PRKD1: variants seen among roughly 807,000 people sequenced by gnomAD.
The protein encoded by PRKD1 is protein kinase D1.
In PRKD1, 63 loss-of-function variants were observed where a neutral mutation model predicts 95.9. That is an observed-to-expected ratio of 0.66 (90% CI 0.54 to 0.81). The LOEUF is 0.81. Ranked by LOEUF, PRKD1 falls within the 30% of genes least tolerant of loss-of-function variation. PRKD1 has a pLI of 0.00. For missense variants in PRKD1, 1,048 were observed against 1,165.3 expected (o/e 0.90, Z 1.47); for synonymous variants, 425 against 423.1 (o/e 1.00, Z -0.05).
chr14:29,851,829 G>A (rs190253007), intron 1 of PRKD1, among the ~76,000 whole-genome samples: 4 of 152,098 alleles, frequency 2.6e-5, no homozygotes, highest in East Asian at 1.9e-4. Context: ...TGGAATCAAC[G>A]TAGGCACCCT....
chr14:29,644,095 T>C lies in PRKD1; in HGVS notation c.697-5191A>G, dbSNP rs1267379866. Among the ~76,000 whole-genome samples the C allele has an allele frequency of 4.6e-5, 7 of 152,166 alleles. 1 individual carries two copies. The highest frequency in any genetic ancestry group is 1.7e-4 in the African/African-American group (7 of 41,434). On this transcript the variant is annotated intron_variant, in intron 4 of 17. Coordinates refer to ENST00000331968, the MANE Select transcript of PRKD1 (RefSeq NM_002742.3). The stretch of plus-strand genomic sequence containing the variant: ...TAAGTGTATGTTTTCAAGAAGTAAA[T>C]GCATAGGATTAGTGGATGAGACGTT...
In PRKD1 at chr14:29,725,563, C is replaced by T; in HGVS notation, c.376G>A (p.Gly126Ser). ...LVKAASDIQE[G>S]DLIEVVLSAS... ...GACAAGACCACTTCAATAAGATCGC[C>T]TTCCTGGATATCACTGGCCGCTTTC... Residue 126 changes from glycine to serine, a missense_variant, in exon 2 of 18, where the codon GGC becomes AGC. By Grantham distance (56) the Gly-to-Ser change is moderately conservative. Transcript: ENST00000331968. The T allele has an allele frequency of 1.9e-6, 3 of 1,613,724 alleles. No homozygotes were observed. Among genetic ancestry groups the T allele is most frequent in the Non-Finnish European group, 2.5e-6 (3 of 1,179,726 alleles).
chr14:29,671,438 C>G (rs905524836), intron 2 of PRKD1, among the ~76,000 whole-genome samples: 1 of 152,300 alleles, frequency 6.6e-6, no homozygotes, highest in Middle Eastern at 3.4e-3. Flanking sequence ...TAAAAGAGAA[C>G]AGAAGGCTTT....
chr14:29,636,593 C>T (rs1354114273), intron 6 of PRKD1, 99 bp from the exon 7 acceptor site: 1 of 1,191,476 alleles, frequency 8.4e-7, no homozygotes, highest in Non-Finnish European at 1.2e-6. Flanking sequence ...TTGGAAGCCC[C>T]AAAGAGGTAG....
chr14:29,825,555 C>T (rs1262374089), intron 1 of PRKD1, among the ~76,000 whole-genome samples: 1 of 151,984 alleles, frequency 6.6e-6, no homozygotes, highest in Non-Finnish European at 1.5e-5. Flanking sequence ...AGATGATTTA[C>T]AAGTTTATAC....
intron 2 of PRKD1, among the ~76,000 whole-genome samples, chr14:29,704,426 A>C (rs893025300): frequency 4.6e-5 from 7 of 152,164 alleles, no homozygotes; most frequent in African/African-American, 9.7e-5. Flanking sequence ...CCAAAGTAAA[A>C]CACTAATTTA....
intron 1 of PRKD1, among the ~76,000 whole-genome samples, chr14:29,805,376 C>G (rs1594534589): frequency 6.6e-6 from 1 of 152,288 alleles, no homozygotes; most frequent in East Asian, 1.9e-4. Context: ...AAAGGCAACA[C>G]TTAACTTACT....
intron 13 of PRKD1, among the ~76,000 whole-genome samples, chr14:29,622,070 T>C (rs558042340): frequency 6.6e-6 from 1 of 152,298 alleles, no homozygotes; most frequent in Admixed American, 6.5e-5. Context: ...AGACAGTTTT[T>C]CCATGGGAGC....
chr14:29,742,347 G>A (rs1034136567), intron 1 of PRKD1, among the ~76,000 whole-genome samples: 4 of 152,220 alleles, frequency 2.6e-5, no homozygotes, highest in East Asian at 1.9e-4. Context: ...CTGAACTGAC[G>A]GCCAATAGCA....
chr14:29,735,112 T>C (rs1318013961), intron 1 of PRKD1, among the ~76,000 whole-genome samples: 3 of 152,216 alleles, frequency 2.0e-5, no homozygotes, highest in Non-Finnish European at 4.4e-5. Context: ...TTACTCCTCA[T>C]GCACTTTTAA....
chr14:29,705,114 C>T (rs531157523), intron 2 of PRKD1, among the ~76,000 whole-genome samples: 2 of 152,038 alleles, frequency 1.3e-5, no homozygotes, highest in Non-Finnish European at 2.9e-5. Flanking sequence ...TTACTCACGT[C>T]GATATGTTAT....
chr14:29,845,963 A>G (rs1025821562), intron 1 of PRKD1, among the ~76,000 whole-genome samples: 6 of 152,194 alleles, frequency 3.9e-5, no homozygotes, highest in Non-Finnish European at 7.3e-5. Flanking sequence ...TTATCTTACC[A>G]TATTAAATAC....
At chr14:29,704,691 T>C (rs1884994066) in intron 2 of PRKD1, among the ~76,000 whole-genome samples, 1 of 152,114 alleles carries the variant, frequency 6.6e-6, no homozygotes, top group Non-Finnish European at 1.5e-5. Flanking sequence ...GTTTTCTTTG[T>C]TTTGTTTTGT....
intron 1 of PRKD1, among the ~76,000 whole-genome samples, chr14:29,865,515 A>C (rs1892864105): frequency 6.6e-6 from 1 of 152,144 alleles, no homozygotes. Flanking sequence ...TTATCACAAG[A>C]GTGGCTTGTT....
chr14:29,671,009 G>A (rs576493074), intron 2 of PRKD1, among the ~76,000 whole-genome samples: 16 of 152,230 alleles, frequency 1.1e-4, no homozygotes, highest in Non-Finnish European at 2.1e-4. Context: ...AATTGTTAGT[G>A]AGGTGCAATG....
chr14:29,634,857 C>T lies in PRKD1; in HGVS notation c.1191-316G>A, dbSNP rs562917733. Among the ~76,000 whole-genome samples the T allele has an allele frequency of 2.6e-5, 4 of 152,058 alleles. 1 individual carries two copies. In the South Asian group the frequency reaches 8.3e-4, roughly 32 times the overall value. On this transcript the variant is annotated intron_variant, in intron 7 of 17. Coordinates refer to ENST00000331968, the MANE Select transcript of PRKD1 (RefSeq NM_002742.3). ...GACCAGCCTGGCCAAGATGGTGAAA[C>T]CCCGTCTCTACTAAAAGTACAAAAA...
chr14:29,592,566 T>C (rs1893169589), intron 16 of PRKD1: 2 of 149,292 alleles, frequency 1.3e-5, no homozygotes, highest in Non-Finnish European at 3.0e-5. Context: ...AAAAACTAAA[T>C]ACATACATAC....
At chr14:29,582,271 ACT>A (rs1193636265) in intron 16 of PRKD1, among the ~76,000 whole-genome samples, 2 of 152,204 alleles carry the variant, frequency 1.3e-5, no homozygotes, top group Non-Finnish European at 2.9e-5. Context: ...AAGGATAAAT[ACT>A]GAGCTTCTTG....
chr14:29,802,082 A>T (rs1486896550), intron 1 of PRKD1, among the ~76,000 whole-genome samples: 3 of 152,206 alleles, frequency 2.0e-5, no homozygotes, highest in Non-Finnish European at 4.4e-5. Flanking sequence ...GAAGGAAGAA[A>T]GGAGCGAAGG....
Sources: allele counts gnomAD v4.1 joint callset (sites outside exome capture counted in the v4.1 genomes callset), GRCh38; gene constraint gnomAD v4.1.1; transcripts MANE v1.5; gene names NCBI Gene and HGNC (gene_info 2026-07-23, HGNC 2026-07-21).